APBA2: variants seen among roughly 807,000 people sequenced by gnomAD.
APBA2 encodes amyloid beta precursor protein binding family A member 2, also known as amyloid-beta A4 precursor protein-binding family A member 2.
A neutral mutation model predicts 75.0 loss-of-function variants in APBA2; 30 were observed. The ratio of observed to expected loss-of-function variants is 0.40; its 90% CI spans 0.30 to 0.54. APBA2 has a LOEUF of 0.54. Among genes scored for constraint, APBA2 ranks in the 20% least tolerant of loss-of-function variants. The pLI, the probability that APBA2 is intolerant of heterozygous loss-of-function variation, is 0.49. For missense variants in APBA2, 801 were observed against 1,016.1 expected (o/e 0.79, Z 2.88); for synonymous variants, 444 against 409.6 (o/e 1.08, Z -1.01).
intron 1 of APBA2, among the ~76,000 whole-genome samples, chr15:28,908,468 G>T (rs967842412): frequency 1.3e-5 from 2 of 151,970 alleles, no homozygotes; most frequent in African/African-American, 4.8e-5. Context: ...CCGCCACCAT[G>T]CCCAGCTAAT....
intron 3 of APBA2, among the ~76,000 whole-genome samples, chr15:29,028,051 G>C (rs1412031361): frequency 6.6e-6 from 1 of 151,448 alleles, no homozygotes; most frequent in African/African-American, 2.4e-5. Context: ...GGTTTGTTAG[G>C]CCGGTAAACG....
intron 6 of APBA2, among the ~76,000 whole-genome samples, chr15:29,079,309 T>TGG (rs1369188493): frequency 1.3e-5 from 2 of 152,092 alleles, no homozygotes; most frequent in African/African-American, 4.8e-5. Flanking sequence ...ACTAGCTGTG[T>TGG]GGGTGCAGTG....
At chr15:28,971,923 A>G (rs917794722) in intron 2 of APBA2, among the ~76,000 whole-genome samples, 1 of 152,362 alleles carries the variant, frequency 6.6e-6, no homozygotes, top group Middle Eastern at 3.4e-3. Flanking sequence ...AATGTGTAGC[A>G]AAATGCTGGA....
At chr15:29,044,072 A>G (rs1020802720) in intron 3 of APBA2, among the ~76,000 whole-genome samples, 2 of 152,214 alleles carry the variant, frequency 1.3e-5, no homozygotes, top group African/African-American at 4.8e-5. Context: ...AATGGGGGAC[A>G]AGATTGGTGT....
chr15:28,981,967 A>C (rs1035593562), intron 2 of APBA2, among the ~76,000 whole-genome samples: 11 of 152,290 alleles, frequency 7.2e-5, no homozygotes, highest in African/African-American at 2.6e-4. Flanking sequence ...GGTACTCATA[A>C]AGATGGCAAC....
At chr15:28,978,002 G>A (rs1053655305) in intron 2 of APBA2, among the ~76,000 whole-genome samples, 1 of 152,188 alleles carries the variant, frequency 6.6e-6, no homozygotes, top group Admixed American at 6.5e-5. Flanking sequence ...CAGATAGGCT[G>A]CATCTATTGT....
intron 10 of APBA2, 93 bp from the exon 11 acceptor site, chr15:29,105,286 T>C: frequency 7.7e-7 from 1 of 1,304,166 alleles, no homozygotes; most frequent in Non-Finnish European, 1.1e-6. Flanking sequence ...TATGGGTGCA[T>C]CCTGCACCCA....
Position 29,106,547 on chromosome 15 carries a change from CCTTGG to C in APBA2, c.1705-58_1705-54del, listed in dbSNP as rs1414978110. On this transcript the variant is annotated intron_variant, in intron 11 of 14. Coordinates refer to ENST00000683413, the MANE Select transcript of APBA2 (RefSeq NM_001353788.2). ...GGGTCAGCCTCATCCTCCTGTGGGT[CCTTGG>C]CAGAGGCCTCGGTCCTTGCCGCCAG... The C allele has an allele frequency of 1.2e-4, 197 of 1,583,168 alleles. No individual in the cohort carries two copies. The Admixed American group carries it at 3.2e-3, about 26-fold the overall frequency.
At chr15:28,945,846 A>G (rs550076413) in intron 2 of APBA2, among the ~76,000 whole-genome samples, 1 of 152,230 alleles carries the variant, frequency 6.6e-6, no homozygotes, top group African/African-American at 2.4e-5. Context: ...ATGGAGGGAA[A>G]ACACACTCTC....
At chr15:28,949,153 C>T (rs1384977834) in intron 2 of APBA2, among the ~76,000 whole-genome samples, 1 of 151,744 alleles carries the variant, frequency 6.6e-6, no homozygotes, top group Admixed American at 6.6e-5. Flanking sequence ...ACAGGTTGTC[C>T]GTTCATGTGC....
Position 29,003,984 on chromosome 15 carries a change from A to G in APBA2, c.-41+8178A>G, listed in dbSNP as rs141052752. ...ACCTCAAAAAGACCACACTCTTGAT[A>G]ACACGTGGGGGCTCCAGGACCAAAA... On this transcript the variant is annotated intron_variant, in intron 3 of 14. Coordinates refer to ENST00000683413, the MANE Select transcript of APBA2 (RefSeq NM_001353788.2). Among the ~76,000 whole-genome samples the G allele has an allele frequency of 3.3e-5, 5 of 152,314 alleles. No homozygotes were observed. The East Asian group carries it at 7.7e-4, about 23-fold the overall frequency.
At chr15:29,113,833 G>A (rs367628033) in intron 13 of APBA2, 43 bp from the exon 14 acceptor site, 2 of 1,560,390 alleles carry the variant, frequency 1.3e-6, no homozygotes, top group African/African-American at 1.3e-5. Flanking sequence ...CGCCTGTCGG[G>A]TGTGGCGGGA....
intron 9 of APBA2, among the ~76,000 whole-genome samples, chr15:29,100,058 A>G (rs1056876545): frequency 6.6e-6 from 1 of 152,228 alleles, no homozygotes; most frequent in Non-Finnish European, 1.5e-5. Context: ...AGGAGGGAAC[A>G]GGTGAGAGAC....
intron 13 of APBA2, 102 bp downstream of exon 13, chr15:29,108,491 A>G: frequency 1.3e-6 from 2 of 1,585,020 alleles, no homozygotes; most frequent in South Asian, 2.2e-5. Context: ...GCAGCCTGGT[A>G]GGACCTGGCC....
intron 3 of APBA2, among the ~76,000 whole-genome samples, chr15:29,015,971 A>G (rs1351157257): frequency 6.6e-6 from 1 of 152,176 alleles, no homozygotes; most frequent in African/African-American, 2.4e-5. Context: ...ATATCTACTT[A>G]TGGTTGGCCG....
intron 3 of APBA2, among the ~76,000 whole-genome samples, chr15:29,027,747 G>A (rs569855790): frequency 1.3e-5 from 2 of 151,654 alleles, no homozygotes; most frequent in East Asian, 1.9e-4. Context: ...GACTACAGGC[G>A]CCTGCCACCA....
At chr15:28,934,011 G>A (rs935521593) in intron 2 of APBA2, among the ~76,000 whole-genome samples, 5 of 152,038 alleles carry the variant, frequency 3.3e-5, no homozygotes, top group African/African-American at 1.2e-4. Flanking sequence ...GGCAGAGAGA[G>A]CAGCTTGCAC....
intron 2 of APBA2, among the ~76,000 whole-genome samples, chr15:28,940,844 G>A (rs1162914971): frequency 2.0e-5 from 3 of 152,216 alleles, no homozygotes; most frequent in African/African-American, 7.2e-5. Flanking sequence ...ACCCTGGACT[G>A]TGAGGATGTG....
chr15:29,099,070 C>A (rs2043993701), intron 9 of APBA2, among the ~76,000 whole-genome samples: 1 of 152,180 alleles, frequency 6.6e-6, no homozygotes, highest in African/African-American at 2.4e-5. Flanking sequence ...CTGGAACCAG[C>A]CCCCTCCTGG....
Sources: allele counts gnomAD v4.1 joint callset (sites outside exome capture counted in the v4.1 genomes callset), GRCh38; gene constraint gnomAD v4.1.1; transcripts MANE v1.5; gene names NCBI Gene and HGNC (gene_info 2026-07-23, HGNC 2026-07-21).